Variants in CDH18 observed in about 807,000 individuals in gnomAD.
CDH18 encodes cadherin-18.
A neutral mutation model predicts 67.9 loss-of-function variants in CDH18; 31 were observed. That is an observed-to-expected ratio of 0.46 (90% CI 0.34 to 0.62). The LOEUF is 0.62. CDH18 is among the 20% of genes least tolerant of loss of function. The pLI, the probability that CDH18 is intolerant of heterozygous loss-of-function variation, is 0.01. For synonymous variants in CDH18, 362 were observed against 347.2 expected, an observed-to-expected ratio of 1.04 and a Z score of -0.48; for missense variants, 890 against 975.5, an observed-to-expected ratio of 0.91 and a Z score of 1.17.
chr5:19,891,478 T>C (rs1788778252), intron 2 of CDH18, among the ~76,000 whole-genome samples: 1 of 152,198 alleles, frequency 6.6e-6, no homozygotes, highest in African/African-American at 2.4e-5. Context: ...AAATGAAAGA[T>C]AATCACGTAA....
rs1435126452 is a variant in CDH18, at chr5:19,960,584, T to TGTGTGTGTATATATATATATACACAC, written c.-257+20475_-257+20476insGTGTGTATATATATATATACACACAC. 3.8e-3 allele frequency among the ~76,000 whole-genome samples: 469 copies of TGTGTGTGTATATATATATATACACAC among 123,416 alleles called. 2 individuals carry two copies. The highest frequency in any genetic ancestry group is 5.8e-3 in the Non-Finnish European group (380 of 65,292). The allele number at this position is 123,416 out of a possible 152,430, so 81.0% of individuals were successfully genotyped here. ...GTATGTGTGTGTGTGTGTGTGTGTG[T>TGTGTGTGTATATATATATATACACAC]GTGTGTATATATATATATACACACA... On this transcript the variant is annotated intron_variant, in intron 2 of 12. Coordinates refer to ENST00000382275, the MANE Select transcript of CDH18 (RefSeq NM_004934.5).
At chr5:20,540,022 TCTAA>T (rs1283381188) in intron 1 of CDH18, among the ~76,000 whole-genome samples, 2 of 152,194 alleles carry the variant, frequency 1.3e-5, no homozygotes, top group African/African-American at 4.8e-5. Flanking sequence ...AAGTTTTATG[TCTAA>T]CTTTTAGTGT....
At chr5:20,484,539 C>A (rs548114720) in intron 1 of CDH18, among the ~76,000 whole-genome samples, 27 of 152,058 alleles carry the variant, frequency 1.8e-4, no homozygotes, top group East Asian at 1.4e-3. Flanking sequence ...ATGTGTCCAA[C>A]AACAGATGAA....
intron 2 of CDH18, among the ~76,000 whole-genome samples, chr5:20,142,669 A>G (rs1457421855): frequency 3.9e-5 from 6 of 152,194 alleles, no homozygotes; most frequent in Non-Finnish European, 8.8e-5. Flanking sequence ...TAGTGTCCTT[A>G]TAAAAACAAT....
chr5:19,983,312 C>T (rs1199233555), intron 1 of CDH18, among the ~76,000 whole-genome samples: 1 of 151,968 alleles, frequency 6.6e-6, no homozygotes, highest in African/African-American at 2.4e-5. Context: ...ATCCTAAAGG[C>T]CTCAAAATAA....
chr5:19,869,605 T>C (rs1785994342), intron 2 of CDH18, among the ~76,000 whole-genome samples: 1 of 152,168 alleles, frequency 6.6e-6, no homozygotes, highest in South Asian at 2.1e-4. Context: ...AAACTTCCAA[T>C]GTCACTTTAT....
At chr5:19,752,264 G>A (rs1483738615) in intron 3 of CDH18, among the ~76,000 whole-genome samples, 7 of 152,100 alleles carry the variant, frequency 4.6e-5, no homozygotes, top group Non-Finnish European at 8.8e-5. Context: ...TTGCAACTGG[G>A]AAGCGGGTTA....
intron 1 of CDH18, among the ~76,000 whole-genome samples, chr5:20,486,257 A>G (rs2126348095): frequency 6.6e-6 from 1 of 152,316 alleles, no homozygotes; most frequent in Admixed American, 6.5e-5. Flanking sequence ...AGTAAGCGAT[A>G]TCTAAGAGCA....
intron 2 of CDH18, among the ~76,000 whole-genome samples, chr5:20,126,331 A>C (rs2126449161): frequency 6.6e-6 from 1 of 152,326 alleles, no homozygotes; most frequent in South Asian, 2.1e-4. Flanking sequence ...TTAAACACTT[A>C]AGTCTAACAC....
chr5:19,531,389 T>C (rs146478274), intron 9 of CDH18, among the ~76,000 whole-genome samples: 43 of 151,834 alleles, frequency 2.8e-4, no homozygotes, highest in East Asian at 7.8e-4. Flanking sequence ...GAAATGCAAA[T>C]AAAAACCACA....
intron 1 of CDH18, among the ~76,000 whole-genome samples, chr5:20,416,017 T>C (rs1435164704): frequency 2.0e-5 from 3 of 152,044 alleles, no homozygotes; most frequent in Non-Finnish European, 4.4e-5. Flanking sequence ...ATTCAATGAG[T>C]ATGATGTTTC....
chr5:19,981,775 G>A (rs1799064828), intron 1 of CDH18, among the ~76,000 whole-genome samples: 1 of 152,098 alleles, frequency 6.6e-6, no homozygotes, highest in Non-Finnish European at 1.5e-5. Flanking sequence ...TTTTGCACTT[G>A]CTTTTCACTC....
At chr5:19,756,531 G>C (rs1394868412) in intron 3 of CDH18, among the ~76,000 whole-genome samples, 1 of 152,170 alleles carries the variant, frequency 6.6e-6, no homozygotes, top group East Asian at 1.9e-4. Flanking sequence ...ATAATACTAA[G>C]AGACGCCCAA....
rs537251931 is a variant in CDH18 at position 19,571,112 on chromosome 5, C to T, written c.1253+467G>A. Among the ~76,000 whole-genome samples the T allele has an allele frequency of 6.6e-5, 10 of 152,308 alleles. 1 individual carries two copies. The South Asian group carries it at 2.1e-3, about 32-fold the overall frequency. On this transcript the variant is annotated intron_variant, in intron 8 of 12. Coordinates refer to ENST00000382275, the MANE Select transcript of CDH18 (RefSeq NM_004934.5). ...TGCTTCATGCATCCTCACGATAGCT[C>T]TGAGACACAGACATTATTTTTCCAC...
intron 2 of CDH18, among the ~76,000 whole-genome samples, chr5:19,929,422 C>A (rs918182518): frequency 6.6e-6 from 1 of 152,170 alleles, no homozygotes; most frequent in Middle Eastern, 3.4e-3. Context: ...CAAACATTTT[C>A]TGTGCAAAAT....
At chr5:19,750,863 T>C (rs549111181) in intron 3 of CDH18, among the ~76,000 whole-genome samples, 2 of 151,116 alleles carry the variant, frequency 1.3e-5, no homozygotes, top group Admixed American at 1.3e-4. Flanking sequence ...CCATGGGATT[T>C]TGCAAAGCAG....
intron 1 of CDH18, among the ~76,000 whole-genome samples, chr5:20,330,105 G>A (rs1408882250): frequency 6.6e-6 from 1 of 151,990 alleles, no homozygotes; most frequent in East Asian, 1.9e-4. Flanking sequence ...CTGTATTTTT[G>A]TTGTACTATC....
chr5:19,704,695 G>A (rs909682605), intron 5 of CDH18, among the ~76,000 whole-genome samples: 2 of 152,136 alleles, frequency 1.3e-5, no homozygotes, highest in African/African-American at 4.8e-5. Flanking sequence ...TGGTCACTAA[G>A]TAAAGAGAAA....
intron 5 of CDH18, among the ~76,000 whole-genome samples, chr5:19,617,661 G>C (rs2150129305): frequency 6.6e-6 from 1 of 152,270 alleles, no homozygotes; most frequent in South Asian, 2.1e-4. Flanking sequence ...TTATTCTCTT[G>C]TGATGCTGGG....
Sources: gnomAD v4.1 joint callset for allele counts (sites outside exome capture counted in the v4.1 genomes callset) on GRCh38, gnomAD v4.1.1 for gene constraint, MANE v1.5 for transcripts, NCBI Gene and HGNC (gene_info 2026-07-23, HGNC 2026-07-21) for gene names.